SLC35F4: variants seen among roughly 807,000 people sequenced by gnomAD.
SLC35F4 encodes chromosome 14 open reading frame 36.
SLC35F4 carries 24 observed loss-of-function variants against 44.2 expected under a neutral mutation model. That is an observed-to-expected ratio of 0.54 (90% CI 0.39 to 0.76). The LOEUF is 0.76. Ranked by LOEUF, SLC35F4 falls within the 30% of genes least tolerant of loss-of-function variation. The pLI, the probability that SLC35F4 is intolerant of heterozygous loss-of-function variation, is 0.00. For synonymous variants in SLC35F4, 238 were observed against 223.6 expected, an observed-to-expected ratio of 1.06 and a Z score of -0.57; for missense variants, 562 against 586.1, an observed-to-expected ratio of 0.96 and a Z score of 0.42.
chr14:57,705,180 TA>T (rs1424855639), intron 1 of SLC35F4, among the ~76,000 whole-genome samples: 37 of 152,096 alleles, frequency 2.4e-4, no homozygotes, highest in Non-Finnish European at 4.4e-4. Context: ...TGCTAGCTAG[TA>T]AAATTACTGG....
At chr14:57,868,508 C>G (rs1448160813), upstream of SLC35F4, among the ~76,000 whole-genome samples, 1 of 150,446 alleles carries the variant, frequency 6.6e-6, no homozygotes, top group Admixed American at 6.6e-5. Flanking sequence ...CAAAGTCTCA[C>G]TCTGTCACCC....
chr14:57,589,262 G>T lies in SLC35F4; in HGVS notation c.541C>A (p.His181Asn). 1 of 1,613,612 alleles carries T rather than the reference G, an allele frequency of 6.2e-7. No individual in the cohort carries two copies. The highest frequency in any genetic ancestry group is 1.1e-5 in the South Asian group (1 of 90,910). Residue 181 changes from histidine to asparagine, a missense_variant, in exon 3 of 8, where the codon CAT (histidine) becomes AAT (asparagine). Physicochemically the swap from His to Asn is moderately conservative, Grantham distance 68. Coordinates refer to ENST00000556826, the MANE Select transcript of SLC35F4 (RefSeq NM_001306087.2). ...TGCTTTTCTTGAGCAGTGGCTAGAT[G>T]ACCAGAATAATAGACTGGGAAAAAC... ...IMFFPVYYSG[H>N]LATAQEKQSP...
In SLC35F4 at chr14:57,693,885, G is replaced by A. The variant is rs146152972; in HGVS notation, c.104-99761C>T. On this transcript the variant is annotated intron_variant, in intron 1 of 7. Coordinates refer to ENST00000556826, the MANE Select transcript of SLC35F4 (RefSeq NM_001306087.2). ...AGATCCCCAATCAGAATTTGAGCAC[G>A]TATCAGACGAATATATTTTCCCAAG... is the stretch of plus-strand genomic sequence containing the variant. Among the ~76,000 whole-genome samples the A allele has an allele frequency of 9.4e-4, 143 of 152,194 alleles. No homozygotes were observed. In the East Asian group the frequency reaches 0.011, roughly 12 times the overall value.
chr14:57,814,859 C>T (rs1386261319), intron 1 of SLC35F4, among the ~76,000 whole-genome samples: 1 of 151,906 alleles, frequency 6.6e-6, no homozygotes, highest in Non-Finnish European at 1.5e-5. Context: ...AGATGCTTGC[C>T]GTGGAAACTG....
rs781207310 is a variant in SLC35F4 at position 57,581,195 on chromosome 14, G to C, written c.807+19C>G. The C allele has an allele frequency of 1.7e-5, 26 of 1,502,970 alleles. No homozygotes were observed. Among genetic ancestry groups the C allele is most frequent in the African/African-American group, 2.8e-5 (2 of 70,846 alleles). 93.1% of individuals were successfully genotyped at this position (1,502,970 alleles called of 1,614,324 possible). A position where few individuals can be genotyped will look rare whatever the true frequency, so the allele number is the denominator to read the frequency against. On this transcript the variant is annotated intron_variant, in intron 4 of 7. Transcript: ENST00000556826. ...ATGAAAAAGGCAGGCATCGCGCATTGAATCAAGTATGCCATTACCCTCACT... is the reference window on the plus strand; with the variant it reads ...ATGAAAAAGGCAGGCATCGCGCATTCAATCAAGTATGCCATTACCCTCACT...
chr14:57,637,852 A>G (rs972629841), intron 1 of SLC35F4, among the ~76,000 whole-genome samples: 2 of 152,066 alleles, frequency 1.3e-5, no homozygotes, highest in Admixed American at 6.6e-5. Flanking sequence ...AGAGACATTA[A>G]AAACTGAGTC....
At chr14:57,828,382 A>T (rs1233966116) in intron 1 of SLC35F4, among the ~76,000 whole-genome samples, 1 of 152,168 alleles carries the variant, frequency 6.6e-6, no homozygotes, top group African/African-American at 2.4e-5. Flanking sequence ...CACTAACAGA[A>T]AGAGAGTATT....
chr14:57,950,675 C>CTTTTTT (rs59027196), intron 1 of SLC35F4, among the ~76,000 whole-genome samples: 11 of 127,166 alleles, frequency 8.7e-5, no homozygotes, highest in African/African-American at 1.3e-4. Context: ...TTCTTTCTTT[C>CTTTTTT]TTTTTTTTTT....
chr14:57,977,786 C>T (rs571617966), intron 1 of SLC35F4, among the ~76,000 whole-genome samples: 1 of 152,270 alleles, frequency 6.6e-6, no homozygotes, highest in South Asian at 2.1e-4. Context: ...ACTATAAATG[C>T]ACTACTTCTG....
intron 1 of SLC35F4, among the ~76,000 whole-genome samples, chr14:57,844,190 C>T (rs1004413680): frequency 1.3e-4 from 20 of 152,138 alleles, no homozygotes; most frequent in Non-Finnish European, 2.4e-4. Context: ...TTTGGAAAGG[C>T]CCAGCTAATG....
At chr14:57,792,773 G>A (rs1245912474) in intron 1 of SLC35F4, among the ~76,000 whole-genome samples, 1 of 152,026 alleles carries the variant, frequency 6.6e-6, no homozygotes, top group African/African-American at 2.4e-5. Flanking sequence ...GGGGACTCAA[G>A]GGGAAAGGTG....
intron 1 of SLC35F4, among the ~76,000 whole-genome samples, chr14:57,698,911 A>T (rs4368101): frequency 6.6e-6 from 1 of 151,890 alleles, no homozygotes; most frequent in African/African-American, 2.4e-5. Context: ...CAGGTGTGAG[A>T]CACCATGCCT....
chr14:57,573,212 A>C (rs1233020104), intron 4 of SLC35F4, among the ~76,000 whole-genome samples: 1 of 152,204 alleles, frequency 6.6e-6, no homozygotes, highest in Non-Finnish European at 1.5e-5. Context: ...TCCCAATTAC[A>C]TAGAATTCAG....
chr14:57,852,584 A>G (rs1886680964), intron 1 of SLC35F4, among the ~76,000 whole-genome samples: 1 of 152,190 alleles, frequency 6.6e-6, no homozygotes, highest in Admixed American at 6.5e-5. Context: ...AGCACTTGCA[A>G]TTTTCAAAAA....
At chr14:57,868,764 G>C (rs866672557), upstream of SLC35F4, among the ~76,000 whole-genome samples, 13 of 152,160 alleles carry the variant, frequency 8.5e-5, no homozygotes, top group African/African-American at 3.1e-4. Flanking sequence ...GTGCCCGGCG[G>C]AAGGAAGGAT....
intron 1 of SLC35F4, among the ~76,000 whole-genome samples, chr14:57,890,949 T>A (rs1052787467): frequency 6.6e-6 from 1 of 152,170 alleles, no homozygotes; most frequent in East Asian, 1.9e-4. Flanking sequence ...TTAGGCTAGA[T>A]GCAGGAGGAA....
chr14:57,787,546 A>G (rs2077797579), intron 1 of SLC35F4, among the ~76,000 whole-genome samples: 1 of 152,230 alleles, frequency 6.6e-6, no homozygotes, highest in South Asian at 2.1e-4. Flanking sequence ...AACCTATCAG[A>G]TTAACATCAG....
intron 1 of SLC35F4, among the ~76,000 whole-genome samples, chr14:57,724,803 A>AT (rs1391363742): frequency 6.6e-6 from 1 of 152,208 alleles, no homozygotes; most frequent in African/African-American, 2.4e-5. Flanking sequence ...GCCCCTTTTT[A>AT]GGACATCCCT....
At chr14:57,969,188 C>A (rs1234674204) in intron 1 of SLC35F4, among the ~76,000 whole-genome samples, 3 of 152,180 alleles carry the variant, frequency 2.0e-5, no homozygotes, top group African/African-American at 7.2e-5. Context: ...GTCCATCAAA[C>A]ATATCATTCA....
Sources: allele counts gnomAD v4.1 joint callset (sites outside exome capture counted in the v4.1 genomes callset), GRCh38; gene constraint gnomAD v4.1.1; transcripts MANE v1.5; gene names NCBI Gene and HGNC (gene_info 2026-07-23, HGNC 2026-07-21).